The following CELF2 variants were observed in gnomAD, a reference collection of about 807,000 sequenced individuals.
The protein encoded by CELF2 is CUGBP Elav-like family member 2.
CELF2 carries 8 observed loss-of-function variants against 62.6 expected under a neutral mutation model. That is an observed-to-expected ratio of 0.13 (90% confidence interval 0.07 to 0.23). The LOEUF is 0.23. Among genes scored for constraint, CELF2 ranks in the 10% least tolerant of loss-of-function variants. The pLI, the probability that CELF2 is intolerant of heterozygous loss-of-function variation, is 1.00. For synonymous variants in CELF2, 258 were observed against 250.0 expected (o/e 1.03, Z -0.30); for missense variants, 333 against 671.0 (o/e 0.50, Z 5.56).
At chr10:10,516,248 A>G in the CELF2 span, among the ~76,000 whole-genome samples, 157 of 152,334 alleles carry the variant, frequency 1.0e-3, no homozygotes, top group South Asian at 0.011. Context: ...TGCAAACAAA[A>G]CAACCAGAAG....
At chr10:11,074,097 C>T (rs943662099) in intron 1 of CELF2, among the ~76,000 whole-genome samples, 10 of 152,232 alleles carry the variant, frequency 6.6e-5, no homozygotes, top group Admixed American at 3.9e-4. Context: ...AAAGTATATA[C>T]GAGTATGTGT....
the CELF2 span, among the ~76,000 whole-genome samples, chr10:10,661,312 G>A: frequency 6.6e-6 from 1 of 152,208 alleles, no homozygotes; most frequent in Non-Finnish European, 1.5e-5. Flanking sequence ...ATATCATTGA[G>A]ATTCAACTAT....
At chr10:10,741,879 G>A in the CELF2 span, among the ~76,000 whole-genome samples, 6 of 152,242 alleles carry the variant, frequency 3.9e-5, no homozygotes, top group East Asian at 1.2e-3. Flanking sequence ...GGTGGTTCTT[G>A]TCTACAACAA....
At chr10:10,891,989 A>C (rs79161080) in intron 1 of CELF2, among the ~76,000 whole-genome samples, 3,121 of 152,286 alleles carry the variant, frequency 0.02, 221 homozygotes, top group Admixed American at 0.13. Context: ...TATTCTTTAA[A>C]ATATGTTTGC....
chr10:10,479,201 C>A, the CELF2 span, among the ~76,000 whole-genome samples: 583 of 152,220 alleles, frequency 3.8e-3, 4 homozygotes, highest in African/African-American at 0.014. Context: ...TGGAGTCTTG[C>A]TCTGTCACCC....
chr10:11,136,899 A>G (rs139867985), intron 1 of CELF2, among the ~76,000 whole-genome samples: 1,774 of 152,336 alleles, frequency 0.012, 29 homozygotes, highest in African/African-American at 0.041. Context: ...TCTGCTTCAG[A>G]TGGCATATCA....
chr10:10,513,941 CGATCCCTCTCTGAGCAAAGCCTA>C, the CELF2 span, among the ~76,000 whole-genome samples: 2 of 152,024 alleles, frequency 1.3e-5, no homozygotes, highest in South Asian at 2.1e-4. Flanking sequence ...AGCTAAGCCT[CGATCCCTCTCTGAGCAAAGCCTA>C]GATCCCTCTC....
chr10:10,768,375 G>A, the CELF2 span, among the ~76,000 whole-genome samples: 402 of 152,048 alleles, frequency 2.6e-3, 2 homozygotes, highest in African/African-American at 9.1e-3. Context: ...CAACGTGTTC[G>A]CAGGTTACAG....
At chr10:10,583,866 T>C in the CELF2 span, among the ~76,000 whole-genome samples, 1 of 152,172 alleles carries the variant, frequency 6.6e-6, no homozygotes, top group African/African-American at 2.4e-5. Context: ...TAAGATCAAA[T>C]GTGCAACCTT....
intron 1 of CELF2, among the ~76,000 whole-genome samples, chr10:10,894,649 A>G (rs931035063): frequency 4.7e-5 from 7 of 149,922 alleles, no homozygotes; most frequent in Admixed American, 2.7e-4. Flanking sequence ...AGAAGGATCC[A>G]CTATGATTGA....
intron 2 of CELF2, among the ~76,000 whole-genome samples, chr10:11,175,255 G>A (rs778728237): frequency 1.3e-5 from 2 of 152,100 alleles, no homozygotes; most frequent in Non-Finnish European, 2.9e-5. Flanking sequence ...GAATCGCAAA[G>A]GTCCGGGAAG....
At chr10:10,904,228 A>ATTTTTTTTTTTTTTTTTTTTTTT in intron 1 of CELF2, among the ~76,000 whole-genome samples, 1 of 148,304 alleles carries the variant, frequency 6.7e-6, no homozygotes, top group Non-Finnish European at 1.5e-5. Flanking sequence ...TCCATTTTTA[A>ATTTTTTTTTTTTTTTTTTTTTTT]TTTTTTTTTT....
chr10:10,700,315 T>C, the CELF2 span, among the ~76,000 whole-genome samples: 1 of 152,212 alleles, frequency 6.6e-6, no homozygotes, highest in African/African-American at 2.4e-5. Flanking sequence ...ACAGACTCTG[T>C]TGTTCATTCC....
At chr10:11,202,671 C>T (rs2059472565) in intron 2 of CELF2, among the ~76,000 whole-genome samples, 1 of 152,174 alleles carries the variant, frequency 6.6e-6, no homozygotes, top group African/African-American at 2.4e-5. Context: ...TTTGGGGTAG[C>T]CACTGTTTAG....
At chr10:10,751,168 A>G in the CELF2 span, among the ~76,000 whole-genome samples, 21 of 152,144 alleles carry the variant, frequency 1.4e-4, no homozygotes, top group Non-Finnish European at 2.6e-4. Flanking sequence ...TGGGAGCAAA[A>G]CCTTTCTGGG....
intron 1 of CELF2, among the ~76,000 whole-genome samples, chr10:10,855,054 C>T (rs748828650): frequency 2.0e-5 from 3 of 152,154 alleles, no homozygotes; most frequent in Non-Finnish European, 4.4e-5. Flanking sequence ...TGGGTCACTG[C>T]CAAGCATCGG....
intron 1 of CELF2, among the ~76,000 whole-genome samples, chr10:11,052,511 C>G (rs1192116771): frequency 6.6e-6 from 1 of 152,078 alleles, no homozygotes; most frequent in Non-Finnish European, 1.5e-5. Flanking sequence ...TGGGTGATGT[C>G]CTGTGGGTTA....
chr10:10,508,782 A>G, the CELF2 span, among the ~76,000 whole-genome samples: 1 of 149,586 alleles, frequency 6.7e-6, no homozygotes, highest in African/African-American at 2.5e-5. Context: ...GCTCACTGCA[A>G]CCTCCGCCTC....
chr10:10,982,898 T>C (rs1426512542), intron 2 of CELF2, among the ~76,000 whole-genome samples: 1 of 145,510 alleles, frequency 6.9e-6, no homozygotes, highest in Non-Finnish European at 1.5e-5. Context: ...GGAAATTTTC[T>C]GGTGTGTGTT....
Sources: allele counts gnomAD v4.1 joint callset (sites outside exome capture counted in the v4.1 genomes callset), GRCh38; gene constraint gnomAD v4.1.1; transcripts MANE v1.5; gene names NCBI Gene and HGNC (gene_info 2026-07-23, HGNC 2026-07-21).